Variants in LCTL observed in about 807,000 individuals in gnomAD.
The protein encoded by LCTL is lactase-like protein.
In LCTL, 76 loss-of-function variants were observed where a neutral mutation model predicts 75.8. The ratio of observed to expected loss-of-function variants is 1.00; its 90% CI spans 0.83 to 1.21. The LOEUF (loss-of-function observed/expected upper bound fraction) is 1.21. Among genes scored for constraint, LCTL ranks in the 50% most tolerant of loss-of-function variants. The probability of loss-of-function intolerance (pLI) is 0.00; values close to 1 mark genes in which losing one functional copy is unlikely to be tolerated. For missense variants in LCTL, 670 were observed against 712.4 expected, an observed-to-expected ratio of 0.94 and a Z score of 0.68; for synonymous variants, 271 against 268.8, an observed-to-expected ratio of 1.01 and a Z score of -0.08.
At chr15:66,553,303 C>T in intron 8 of LCTL, 45 bp from the exon 10 acceptor site, 7 of 1,456,476 alleles carry the variant, frequency 4.8e-6, no homozygotes, top group Middle Eastern at 1.8e-4. Flanking sequence ...TTATTTTCTC[C>T]CAATCACTGT....
exon 1 of LCTL, chr15:66,565,378 T>A (rs763625529): frequency 2.5e-5 from 39 of 1,531,578 alleles, no homozygotes; most frequent in Non-Finnish European, 3.1e-5. Flanking sequence ...TGCCTGGCCC[T>A]CCCCCATACC....
At chr15:66,562,547 G>GA (rs1046615825) in intron 4 of LCTL, among the ~76,000 whole-genome samples, 2 of 151,850 alleles carry the variant, frequency 1.3e-5, no homozygotes, top group African/African-American at 4.8e-5. Context: ...ACAAATTGTA[G>GA]AAAAAAGGCT....
intron 4 of LCTL, among the ~76,000 whole-genome samples, chr15:66,561,553 A>G (rs369828125): frequency 3.3e-5 from 5 of 152,340 alleles, no homozygotes; most frequent in Admixed American, 2.0e-4. Context: ...ATCTGATGCT[A>G]GGATGAACAC....
intron 8 of LCTL, among the ~76,000 whole-genome samples, chr15:66,555,552 A>G (rs191760231): frequency 5.3e-5 from 8 of 152,292 alleles, no homozygotes; most frequent in Admixed American, 3.9e-4. Flanking sequence ...AAAATAAAAA[A>G]AAAGAAAGAA....
chr15:66,564,137 A>G (rs963002104), intron 2 of LCTL, 139 bp from the exon 4 acceptor site: 1 of 647,514 alleles, frequency 1.5e-6, no homozygotes, highest in Non-Finnish European at 2.8e-6. Flanking sequence ...TCACCTGTAC[A>G]ACAGAGGTGA....
chr15:66,564,697 A>G, exon 2 of LCTL: 3 of 1,613,022 alleles, frequency 1.9e-6, no homozygotes, highest in Non-Finnish European at 1.7e-6. Flanking sequence ...AGTAGCCGTC[A>G]CAGGCTACAT....
exon 3 of LCTL, chr15:66,563,955 C>A (rs770296735): frequency 4.6e-5 from 75 of 1,613,986 alleles, no homozygotes; most frequent in Non-Finnish European, 8.5e-6. Flanking sequence ...CAGGGAGAAT[C>A]GGTAGTGGTT....
chr15:66,558,954 C>T (rs745992853), intron 6 of LCTL, among the ~76,000 whole-genome samples: 2 of 151,936 alleles, frequency 1.3e-5, no homozygotes, highest in Non-Finnish European at 2.9e-5. Flanking sequence ...CCTCAGCCTC[C>T]CAAAGTGCTG....
At chr15:66,547,752 T>C (rs1895432071) in exon 13 of LCTL, 3 of 152,174 alleles carry the variant, frequency 2.0e-5, no homozygotes, top group Admixed American at 2.0e-4. Flanking sequence ...TGGCTAATAA[T>C]ATTTACAACC....
At position 66,551,881 on chromosome 15, in the gene LCTL, CATTTTAAATATATTTCA is replaced by C. The variant is rs1895613570; in HGVS notation, c.1325-37_1325-21del. 2 of 1,568,872 alleles carry C rather than the reference CATTTTAAATATATTTCA, an allele frequency of 1.3e-6. No homozygotes were observed. Among genetic ancestry groups the C allele is most frequent in the African/African-American group, 2.7e-5 (2 of 73,172 alleles). ...TTATAGCTGCAAAGACATTTTATTC[CATTTTAAATATATTTCA>C]TTTACTTAGAAAAATAAAACTGAAG... On this transcript the variant is annotated intron_variant, in intron 10 of 12. Coordinates refer to ENST00000341509, the Ensembl canonical transcript of LCTL.
Position 66,564,643 on chromosome 15 carries a change from G to A in LCTL, c.282+33C>T, listed in dbSNP as rs534888556. On this transcript the variant is annotated intron_variant, in intron 2 of 12. Transcript: ENST00000341509. ...TGTACTCACATGTGTGTGCACGCGCGCGCACACACACACACTCACACCCCG... is the reference window on the plus strand; with the variant it reads ...TGTACTCACATGTGTGTGCACGCGCACGCACACACACACACTCACACCCCG... The A allele has an allele frequency of 2.4e-4, 379 of 1,598,678 alleles. 3 individuals are homozygous for A. In the South Asian group the frequency reaches 3.4e-3, roughly 14 times the overall value.
chr15:66,549,408 G>T (rs1455035276), intron 12 of LCTL: 1 of 152,210 alleles, frequency 6.6e-6, no homozygotes, highest in Non-Finnish European at 1.5e-5. Context: ...CCACATTAAA[G>T]ATGAGCTTGT....
chr15:66,563,917 T>C (rs1333194988), exon 3 of LCTL: 3 of 1,613,876 alleles, frequency 1.9e-6, no homozygotes, highest in South Asian at 1.1e-5. Context: ...TCACCTCGGA[T>C]GCCTGTGGGC....
At chr15:66,564,865 C>T (rs1895985463) in intron 1 of LCTL, 26 bp from the exon 3 acceptor site, 1 of 1,597,746 alleles carries the variant, frequency 6.3e-7, no homozygotes, top group African/African-American at 1.3e-5. Context: ...CGTGCTGGGT[C>T]CCAGGTGCTC....
chr15:66,560,044 G>A (rs1895847654), intron 6 of LCTL, among the ~76,000 whole-genome samples: 1 of 152,002 alleles, frequency 6.6e-6, no homozygotes, highest in Admixed American at 6.6e-5. Flanking sequence ...CCGAGATCAC[G>A]CCGCTTCACT....
intron 8 of LCTL, among the ~76,000 whole-genome samples, chr15:66,555,207 C>T (rs949818618): frequency 6.6e-6 from 1 of 152,126 alleles, no homozygotes; most frequent in Admixed American, 6.5e-5. Context: ...CACCAGCTAT[C>T]GTCATTGTCC....
chr15:66,563,516 C>T (rs375609486), exon 4 of LCTL: 3 of 1,609,744 alleles, frequency 1.9e-6, no homozygotes, highest in Non-Finnish European at 2.5e-6. Context: ...AGGTCCTCAC[C>T]TGTGGCAGAT....
exon 11 of LCTL, chr15:66,551,679 A>G (rs765707898): frequency 6.2e-7 from 1 of 1,613,914 alleles, no homozygotes; most frequent in African/African-American, 1.3e-5. Context: ...GGATTGGGAA[A>G]CCCATTGGCA....
intron 8 of LCTL, among the ~76,000 whole-genome samples, chr15:66,555,808 C>T (rs1229988545): frequency 6.6e-6 from 1 of 152,004 alleles, no homozygotes; most frequent in Non-Finnish European, 1.5e-5. Flanking sequence ...TAGAGAATTC[C>T]CAAAACTCAA....
Sources: allele counts gnomAD v4.1 joint callset (sites outside exome capture counted in the v4.1 genomes callset), GRCh38; gene constraint gnomAD v4.1.1; transcripts MANE v1.5; gene names NCBI Gene and HGNC (gene_info 2026-07-23, HGNC 2026-07-21).